The following PEMT variants were observed in gnomAD, a reference collection of about 807,000 sequenced individuals.
The protein encoded by PEMT is phosphatidylethanolamine N-methyltransferase.
In PEMT, 23 loss-of-function variants were observed where a neutral mutation model predicts 27.4. The ratio of observed to expected loss-of-function variants is 0.84; its 90% CI spans 0.60 to 1.19. The LOEUF is 1.19. PEMT is among the 50% of genes most tolerant of loss of function. The pLI is 0.00. For synonymous variants in PEMT, 137 were observed against 139.1 expected (o/e 0.98, Z 0.11); for missense variants, 307 against 310.1 (o/e 0.99, Z 0.07).
At chr17:17,520,106 G>T (rs1264982016) in intron 3 of PEMT, among the ~76,000 whole-genome samples, 8 of 152,180 alleles carry the variant, frequency 5.3e-5, no homozygotes, top group African/African-American at 1.9e-4. Context: ...CCTGTGGGGG[G>T]ACTCCAAGCT....
At chr17:17,557,547 C>T (rs537824261) in intron 2 of PEMT, among the ~76,000 whole-genome samples, 1 of 152,350 alleles carries the variant, frequency 6.6e-6, no homozygotes, top group East Asian at 1.9e-4. Flanking sequence ...CAGGTCCCTG[C>T]AGCCTCCGGA....
At chr17:17,575,914 T>C (rs1911552863) in intron 2 of PEMT, among the ~76,000 whole-genome samples, 1 of 152,172 alleles carries the variant, frequency 6.6e-6, no homozygotes, top group Admixed American at 6.5e-5. Flanking sequence ...AGTCATAAAC[T>C]AAATGAAAAA....
chr17:17,565,619 C>A (rs1016750552), intron 2 of PEMT, among the ~76,000 whole-genome samples: 4 of 152,228 alleles, frequency 2.6e-5, no homozygotes, highest in African/African-American at 9.7e-5. Flanking sequence ...CAGCAGCATC[C>A]GTGACACTGG....
chr17:17,509,382 C>T (rs1906166148), intron 5 of PEMT, 52 bp downstream of exon 5: 2 of 1,222,244 alleles, frequency 1.6e-6, no homozygotes, highest in Admixed American at 3.7e-5. Context: ...TGCACCAGCT[C>T]CTCTCCGGGA....
intron 2 of PEMT, among the ~76,000 whole-genome samples, chr17:17,525,353 T>G (rs906175817): frequency 6.6e-6 from 1 of 152,194 alleles, no homozygotes; most frequent in Non-Finnish European, 1.5e-5. Flanking sequence ...TGGTATTCGA[T>G]GGGGCTGTTA....
chr17:17,552,959 C>T (rs936823325), intron 2 of PEMT, among the ~76,000 whole-genome samples: 1 of 152,206 alleles, frequency 6.6e-6, no homozygotes, highest in Non-Finnish European at 1.5e-5. Flanking sequence ...CCCAGCGCCC[C>T]GTGAGTCCAC....
At chr17:17,545,464 C>T (rs1186569257) in intron 2 of PEMT, among the ~76,000 whole-genome samples, 4 of 152,194 alleles carry the variant, frequency 2.6e-5, no homozygotes, top group East Asian at 1.9e-4. Context: ...TTGTGGCCGC[C>T]GTCCCCACAA....
Position 17,568,989 on chromosome 17 carries a change from G to T in PEMT, c.204+7931C>A, listed in dbSNP as rs181251836. 1.9e-3 allele frequency among the ~76,000 whole-genome samples: 285 copies of T among 152,226 alleles called. 1 individual carries two copies. Among genetic ancestry groups the T allele is most frequent in the African/African-American group, 6.7e-3 (278 of 41,538 alleles). ...CCAGGAAACCCCAGGCCCAGCCAGC[G>T]GCCCAGCGCAGCAAGTGGACTCTCA... is the stretch of plus-strand genomic sequence containing the variant. On this transcript the variant is annotated intron_variant, in intron 2 of 6. Transcript: ENST00000255389.
intron 2 of PEMT, among the ~76,000 whole-genome samples, chr17:17,567,297 C>A (rs892418476): frequency 6.6e-6 from 1 of 152,222 alleles, no homozygotes; most frequent in Non-Finnish European, 1.5e-5. Context: ...GTTCGAGACA[C>A]CTTGTTGTAC....
rs536004683 is a variant in PEMT at position 17,545,794 on chromosome 17, G to A, written c.205-23399C>T. On this transcript the variant is annotated intron_variant, in intron 2 of 6. Coordinates refer to ENST00000255389, the MANE Select transcript of PEMT (RefSeq NM_148172.3). ...TGCAGAGGGACAGGTCACAGCGTTC[G>A]TGACGTCAGCTACCAAGGCAGGATG... is the stretch of plus-strand genomic sequence containing the variant. Among the ~76,000 whole-genome samples, 68 of 152,310 alleles carry A rather than the reference G, an allele frequency of 4.5e-4. 1 individual carries two copies. The South Asian group carries it at 6.2e-3, about 14-fold the overall frequency.
At chr17:17,507,566 T>C in intron 5 of PEMT, 1 of 268,358 alleles carries the variant, frequency 3.7e-6, no homozygotes, top group African/African-American at 2.2e-5. Context: ...GCGACCCCAC[T>C]GTGGGCGCCG....
intron 3 of PEMT, among the ~76,000 whole-genome samples, chr17:17,516,481 G>A (rs1324711572): frequency 6.6e-6 from 1 of 152,162 alleles, no homozygotes; most frequent in Non-Finnish European, 1.5e-5. Context: ...ATGGTAGAAA[G>A]CAGGAGGGGC....
chr17:17,511,683 G>A (rs1453706442), intron 4 of PEMT, among the ~76,000 whole-genome samples: 1 of 152,230 alleles, frequency 6.6e-6, no homozygotes, highest in South Asian at 2.1e-4. Context: ...ATGACGGAGA[G>A]CGGGCAATGC....
chr17:17,583,442 T>C (rs901827551), intron 1 of PEMT, among the ~76,000 whole-genome samples: 1 of 152,162 alleles, frequency 6.6e-6, no homozygotes, highest in Admixed American at 6.5e-5. Flanking sequence ...GGAGAAGCCA[T>C]TTCATATTAA....
At chr17:17,541,485 A>G (rs1908880461) in intron 2 of PEMT, among the ~76,000 whole-genome samples, 1 of 152,244 alleles carries the variant, frequency 6.6e-6, no homozygotes, top group Non-Finnish European at 1.5e-5. Flanking sequence ...CGGCCGCAGC[A>G]GCAGCGGGGC....
At chr17:17,532,709 C>G (rs1597898248) in intron 2 of PEMT, among the ~76,000 whole-genome samples, 1 of 152,132 alleles carries the variant, frequency 6.6e-6, no homozygotes, top group Admixed American at 6.6e-5. Flanking sequence ...CCAAAACAAT[C>G]TTTTTTTAAA....
rs373138878 is a variant in PEMT at position 17,510,800 on chromosome 17, A to C, written c.467-1255T>G. ...CTTCCACTGCTGAGGGGCTCCACCC[A>C]CCATCCTGGCTCTCCTTACGCTGCC... On this transcript the variant is annotated intron_variant, in intron 4 of 6. Coordinates refer to ENST00000255389, the MANE Select transcript of PEMT (RefSeq NM_148172.3). Among the ~76,000 whole-genome samples the C allele has an allele frequency of 3.3e-5, 5 of 151,974 alleles. No individual in the cohort carries two copies. The East Asian group carries it at 5.8e-4, about 18-fold the overall frequency.
At chr17:17,514,970 A>T (rs1906709291) in intron 3 of PEMT, among the ~76,000 whole-genome samples, 1 of 152,162 alleles carries the variant, frequency 6.6e-6, no homozygotes, top group African/African-American at 2.4e-5. Flanking sequence ...CAGGGCATGG[A>T]GCAGGGAAGG....
chr17:17,574,433 C>A (rs889778887), intron 2 of PEMT, among the ~76,000 whole-genome samples: 1 of 151,600 alleles, frequency 6.6e-6, no homozygotes, highest in Admixed American at 6.6e-5. Flanking sequence ...GATTCTCCTG[C>A]CCCAGCCTCC....
Sources: gnomAD v4.1 joint callset for allele counts (sites outside exome capture counted in the v4.1 genomes callset) on GRCh38, gnomAD v4.1.1 for gene constraint, MANE v1.5 for transcripts, NCBI Gene and HGNC (gene_info 2026-07-23, HGNC 2026-07-21) for gene names.